Variants in CS observed in about 807,000 individuals in gnomAD.
The protein encoded by CS is citrate synthase, mitochondrial.
CS carries 13 observed loss-of-function variants against 61.4 expected under a neutral mutation model. The ratio of observed to expected loss-of-function variants is 0.21; its 90% CI spans 0.14 to 0.34. The LOEUF (loss-of-function observed/expected upper bound fraction) is 0.34, where lower values mean the gene tolerates loss of function less well. Among genes scored for constraint, CS ranks in the 10% least tolerant of loss-of-function variants. CS has a pLI of 1.00. For synonymous variants in CS, 159 were observed against 215.2 expected (o/e 0.74, Z 2.29); for missense variants, 278 against 573.4 (o/e 0.48, Z 5.26).
chr12:56,286,811 A>G (rs1872953705), intron 1 of CS, among the ~76,000 whole-genome samples, 166 bp from the exon 2 acceptor site: 1 of 152,238 alleles, frequency 6.6e-6, no homozygotes, highest in Non-Finnish European at 1.5e-5. Flanking sequence ...AGGAGTTACC[A>G]CTATGGAGAC....
chr12:56,274,626 C>T (rs1382393757), intron 9 of CS, 151 bp downstream of exon 9: 7 of 629,416 alleles, frequency 1.1e-5, no homozygotes, highest in Admixed American at 3.5e-5. Flanking sequence ...ATTGTGCCCA[C>T]CTAGAAATTC....
intron 6 of CS, 57 bp downstream of exon 6, chr12:56,282,361 TCA>T: frequency 7.3e-7 from 1 of 1,362,268 alleles, no homozygotes; most frequent in Non-Finnish European, 9.9e-7. Context: ...TTCCCTCCCT[TCA>T]CACTCAAGTC....
intron 1 of CS, among the ~76,000 whole-genome samples, chr12:56,299,213 A>C (rs1358411319): frequency 1.3e-5 from 2 of 152,150 alleles, no homozygotes; most frequent in Non-Finnish European, 2.9e-5. Flanking sequence ...CTCCCTCAGC[A>C]CAGCAGTTTC....
chr12:56,283,822 G>A lies in CS; in HGVS notation c.237C>T (p.Val79=). The A allele has an allele frequency of 6.2e-7, 1 of 1,612,914 alleles. No homozygotes were observed. The highest frequency in any genetic ancestry group is 8.5e-7 in the Non-Finnish European group (1 of 1,179,224). The change falls in exon 4 of 11, where the codon GTC becomes GTT. Residue 79 remains valine, a synonymous_variant. Coordinates refer to ENST00000351328, the MANE Select transcript of CS (RefSeq NM_004077.3). ...YGGMRGMKGL[V]YETSVLDPDE... ...CAGGATCAAGAACTGATGTTTCATA[G>A]ACCAATCCCTTCATGCCTCTCATGC...
At chr12:56,276,339 T>C (rs892586870) in intron 6 of CS, 144 bp from the exon 7 acceptor site, 15 of 684,606 alleles carry the variant, frequency 2.2e-5, no homozygotes, top group Admixed American at 7.5e-5. Flanking sequence ...ATTGAGTATG[T>C]TTGAAAGTAG....
At chr12:56,295,643 A>C (rs1592414886) in intron 1 of CS, among the ~76,000 whole-genome samples, 2 of 152,024 alleles carry the variant, frequency 1.3e-5, no homozygotes, top group Non-Finnish European at 2.9e-5. Context: ...CTATTCCCTT[A>C]CTTCTGCTAG....
At chr12:56,291,670 CCT>C (rs1359624636) in intron 1 of CS, 2 of 152,256 alleles carry the variant, frequency 1.3e-5, no homozygotes, top group African/African-American at 4.8e-5. Context: ...CAGATTCTCC[CCT>C]AATCCTGGAG....
chr12:56,281,868 A>AT (rs1035386760), intron 6 of CS, among the ~76,000 whole-genome samples: 3 of 151,108 alleles, frequency 2.0e-5, no homozygotes, highest in African/African-American at 4.9e-5. Context: ...AGACTATGGA[A>AT]TTTTTTTTTA....
At chr12:56,278,972 G>A (rs760789170) in intron 6 of CS, among the ~76,000 whole-genome samples, 1 of 151,780 alleles carries the variant, frequency 6.6e-6, no homozygotes, top group African/African-American at 2.4e-5. Flanking sequence ...ATGGGGTTTC[G>A]CCATGTTGGC....
chr12:56,296,037 C>T (rs1565624437), intron 1 of CS, among the ~76,000 whole-genome samples: 1 of 149,616 alleles, frequency 6.7e-6, no homozygotes, highest in Non-Finnish European at 1.5e-5. Flanking sequence ...AGAAACTTTT[C>T]CAGATCCCAT....
At chr12:56,277,665 C>T (rs1294384180) in intron 6 of CS, among the ~76,000 whole-genome samples, 1 of 135,528 alleles carries the variant, frequency 7.4e-6, no homozygotes, top group Non-Finnish European at 1.5e-5. Flanking sequence ...GATTCTCGCT[C>T]TGTCGCCGAG....
At chr12:56,277,241 T>C (rs951520830) in intron 6 of CS, among the ~76,000 whole-genome samples, 1 of 147,832 alleles carries the variant, frequency 6.8e-6, no homozygotes, top group Non-Finnish European at 1.5e-5. Context: ...GGCTCATGCC[T>C]GTAATCCCAG....
intron 7 of CS, chr12:56,275,769 C>A (rs974440900): frequency 3.5e-6 from 2 of 564,142 alleles, no homozygotes; most frequent in Non-Finnish European, 6.3e-6. Context: ...GTACCTTTTC[C>A]CAGCCAGAAG....
At chr12:56,284,701 A>AC (rs141612133) in intron 3 of CS, among the ~76,000 whole-genome samples, 145,068 of 149,822 alleles carry the variant, frequency 0.97, 70,235 homozygotes, top group East Asian at 1. Flanking sequence ...GGATATCGAG[A>AC]CATCCTGGCC....
At chr12:56,295,736 C>T (rs1302329579) in intron 1 of CS, among the ~76,000 whole-genome samples, 1 of 151,312 alleles carries the variant, frequency 6.6e-6, no homozygotes, top group Non-Finnish European at 1.5e-5. Flanking sequence ...GGGCGGATCA[C>T]GAGGTCAGGA....
Position 56,273,009 on chromosome 12 carries a change from C to A in CS, c.*75G>T, listed in dbSNP as rs911124214. ...TAATTTAATCTTAAGTCTTTAAAGGCCCCCTGAAACAAAAGTATACTTTTT... is the reference window on the plus strand; with the variant it reads ...TAATTTAATCTTAAGTCTTTAAAGGACCCCTGAAACAAAAGTATACTTTTT... On this transcript the variant is annotated 3_prime_UTR_variant, in exon 11 of 11. Coordinates refer to ENST00000351328, the MANE Select transcript of CS (RefSeq NM_004077.3). 3.2e-6 allele frequency: 3 copies of A among 927,342 alleles called. No individual in the cohort carries two copies. The African/African-American group carries it at 5.0e-5, about 15-fold the overall frequency. The allele number at this position is 927,342 out of a possible 1,614,324, so 57.4% of individuals were successfully genotyped here. A position where few individuals can be genotyped will look rare whatever the true frequency, so the allele number is the denominator to read the frequency against.
chr12:56,300,075 G>T, intron 1 of CS, 85 bp downstream of exon 1: 1 of 1,379,234 alleles, frequency 7.3e-7, no homozygotes, highest in Non-Finnish European at 9.9e-7. Flanking sequence ...GCGCACGGGT[G>T]TGGGAGGGAG....
At position 56,283,774 on chromosome 12, in the gene CS, G is replaced by A; in HGVS notation, c.267+18C>T. The A allele has an allele frequency of 6.3e-7, 1 of 1,589,564 alleles. No individual in the cohort carries two copies. Among genetic ancestry groups the A allele is most frequent in the Non-Finnish European group, 8.6e-7 (1 of 1,158,424 alleles). On this transcript the variant is annotated intron_variant, in intron 4 of 10. Coordinates refer to ENST00000351328, the MANE Select transcript of CS (RefSeq NM_004077.3). ...ACAAACTCAATGATTATTAGTAATT[G>A]ACATGAAGATGTCTTACCTCATCAG...
chr12:56,300,281 C>G lies in CS; in HGVS notation c.-80G>C. The G allele has an allele frequency of 7.0e-7, 1 of 1,422,312 alleles. No individual in the cohort carries two copies. The highest frequency in any genetic ancestry group is 9.5e-7 in the Non-Finnish European group (1 of 1,047,914). 88.1% of individuals were successfully genotyped at this position (1,422,312 alleles called of 1,614,324 possible). A position where few individuals can be genotyped will look rare whatever the true frequency, so the allele number is the denominator to read the frequency against. On this transcript the variant is annotated 5_prime_UTR_variant, in exon 1 of 11. Coordinates refer to ENST00000351328, the MANE Select transcript of CS (RefSeq NM_004077.3). ...AGGAACAGGAGCCGCCGCCGCTGCA[C>G]CAGAGGCCGCGCCGACGGGTTGACA...
Sources: gnomAD v4.1 joint callset for allele counts (sites outside exome capture counted in the v4.1 genomes callset) on GRCh38, gnomAD v4.1.1 for gene constraint, MANE v1.5 for transcripts, NCBI Gene and HGNC (gene_info 2026-07-23, HGNC 2026-07-21) for gene names.